The following IL12RB1 variants were observed in gnomAD, a reference collection of about 807,000 sequenced individuals.
The protein encoded by IL12RB1 is interleukin-12 receptor subunit beta-1.
Under a neutral mutation model 94.4 loss-of-function variants are expected in IL12RB1, and 64 were observed. The ratio of observed to expected loss-of-function variants is 0.68; its 90% CI spans 0.55 to 0.83. The LOEUF (loss-of-function observed/expected upper bound fraction) is 0.83, where lower values mean the gene tolerates loss of function less well. Among genes scored for constraint, IL12RB1 ranks in the 40% least tolerant of loss-of-function variants. The probability of loss-of-function intolerance (pLI) is 0.00; values close to 1 mark genes in which losing one functional copy is unlikely to be tolerated. For synonymous variants in IL12RB1, 362 were observed against 355.5 expected (o/e 1.02, Z -0.21); for missense variants, 814 against 855.6 (o/e 0.95, Z 0.61).
At chr19:18,098,889 C>T (rs1191801453) in exon 1 of IL12RB1, 1 of 441,826 alleles carries the variant, frequency 2.3e-6, no homozygotes, top group African/African-American at 2.0e-5. Context: ...GCGGTGACCC[C>T]ACGGAGTGAT....
In IL12RB1 at chr19:18,073,981, T is replaced by G. The variant is rs540620769; in HGVS notation, c.701-382A>C. ...CTGGGATTACAGGCATGCACCACCA[T>G]GTCCGGCTAATTTTTGTATTTTTAG... On this transcript the variant is annotated intron_variant, in intron 7 of 16. Transcript: ENST00000593993. Among the ~76,000 whole-genome samples the G allele has an allele frequency of 2.6e-5, 4 of 152,174 alleles. No individual in the cohort carries two copies. The South Asian group carries it at 8.3e-4, about 32-fold the overall frequency.
At chr19:18,077,424 C>T (rs1404584074) in intron 5 of IL12RB1, 92 bp downstream of exon 5, 6 of 976,430 alleles carry the variant, frequency 6.1e-6, no homozygotes, top group African/African-American at 1.6e-5. Flanking sequence ...TGGTTGGGAG[C>T]GGGGACAGAT....
chr19:18,088,739 A>G (rs1568528799), upstream of IL12RB1, among the ~76,000 whole-genome samples: 1 of 152,022 alleles, frequency 6.6e-6, no homozygotes, highest in African/African-American at 2.4e-5. Context: ...CCTCAAAAAC[A>G]TAATGCTGGG....
At chr19:18,071,745 C>T (rs910574487) in intron 9 of IL12RB1, among the ~76,000 whole-genome samples, 2 of 151,970 alleles carry the variant, frequency 1.3e-5, no homozygotes, top group African/African-American at 4.8e-5. Flanking sequence ...AATTTTGGCT[C>T]ACTGCAACCT....
At chr19:18,097,666 C>G in intron 1 of IL12RB1, 1 of 491,454 alleles carries the variant, frequency 2.0e-6, no homozygotes, top group Non-Finnish European at 3.0e-6. Context: ...GCCCTGTGGT[C>G]GGGCTCCCCG....
rs764395999 is a variant in IL12RB1 at position 18,073,595 on chromosome 19, G to A, written c.705C>T (p.Asn235=). 4 of 1,607,670 alleles carry A rather than the reference G, an allele frequency of 2.5e-6. No homozygotes were observed. The highest frequency in any genetic ancestry group is 4.5e-5 in the East Asian group (2 of 44,844). The change falls in exon 8 of 17, where the codon AAC becomes AAT. Residue 235 remains asparagine (N), a synonymous_variant. Coordinates refer to ENST00000593993, the MANE Select transcript of IL12RB1 (RefSeq NM_005535.3). Reference sequence around the variant, plus strand: ...AGAATCTCACCTGAGGCTGTGGGGGGTTTTCTGCAATCAGAACCAAACCAA... The same window carrying A: ...AGAATCTCACCTGAGGCTGTGGGGGATTTTCTGCAATCAGAACCAAACCAA... ...WSSPVCVPPE[N]PPQPQVRFSV...
intron 1 of IL12RB1, among the ~76,000 whole-genome samples, chr19:18,096,680 C>G (rs1599612060): frequency 6.6e-6 from 1 of 150,934 alleles, no homozygotes; most frequent in African/African-American, 2.4e-5. Context: ...ACCAAAAATA[C>G]AAAAAATCAG....
At chr19:18,089,054 C>CAA (rs916520833), upstream of IL12RB1, among the ~76,000 whole-genome samples, 33 of 138,002 alleles carry the variant, frequency 2.4e-4, no homozygotes, top group African/African-American at 8.0e-4. Context: ...CACACATACA[C>CAA]AAAAAAAAAA....
chr19:18,081,615 G>A (rs2035905417), intron 3 of IL12RB1, among the ~76,000 whole-genome samples: 1 of 151,384 alleles, frequency 6.6e-6, no homozygotes, highest in South Asian at 2.1e-4. Flanking sequence ...GAGGCCAGGA[G>A]TTCAAGACCA....
At chr19:18,094,193 A>G (rs555002840) in intron 1 of IL12RB1, among the ~76,000 whole-genome samples, 2 of 152,308 alleles carry the variant, frequency 1.3e-5, no homozygotes, top group African/African-American at 2.4e-5. Context: ...CACTGGCACT[A>G]TCTCAGCTCA....
intron 13 of IL12RB1, 61 bp from the exon 14 acceptor site, chr19:18,062,338 G>C (rs2034202694): frequency 2.9e-6 from 3 of 1,026,644 alleles, no homozygotes; most frequent in South Asian, 2.8e-5. Context: ...CAGGGAAGGA[G>C]CTAGGAGGGC....
intron 12 of IL12RB1, among the ~76,000 whole-genome samples, chr19:18,065,843 C>T (rs2034537870): frequency 6.6e-6 from 1 of 150,800 alleles, no homozygotes; most frequent in Non-Finnish European, 1.5e-5. Flanking sequence ...GAAAAAATCC[C>T]AGCCTGGGCA....
intron 13 of IL12RB1, among the ~76,000 whole-genome samples, chr19:18,063,122 G>T (rs1370506005): frequency 2.0e-5 from 2 of 100,456 alleles, no homozygotes; most frequent in African/African-American, 8.6e-5. Flanking sequence ...TTGAGACAGG[G>T]TCTTGCTCCG....
intron 4 of IL12RB1, among the ~76,000 whole-genome samples, chr19:18,079,942 A>G (rs748971219): frequency 6.6e-6 from 1 of 152,332 alleles, no homozygotes; most frequent in East Asian, 1.9e-4. Flanking sequence ...AAGTGAGATC[A>G]TGAAATGTTT....
At chr19:18,076,266 CTGT>C (rs2035473015) in intron 6 of IL12RB1, 28 bp downstream of exon 6, 1 of 1,182,820 alleles carries the variant, frequency 8.5e-7, no homozygotes, top group African/African-American at 1.5e-5. Flanking sequence ...TTTGCTGCAG[CTGT>C]TGTTGTCATT....
chr19:18,076,859 A>G (rs552872535), intron 5 of IL12RB1, among the ~76,000 whole-genome samples: 230 of 152,258 alleles, frequency 1.5e-3, no homozygotes, highest in Non-Finnish European at 2.8e-3. Context: ...ATTTTACTAA[A>G]CACAATGTGG....
At chr19:18,062,721 G>A (rs1599446504) in intron 13 of IL12RB1, among the ~76,000 whole-genome samples, 1 of 82,960 alleles carries the variant, frequency 1.2e-5, no homozygotes, top group Non-Finnish European at 4.0e-5. Context: ...GCAGTGAGCC[G>A]AGATCGCATC....
intron 4 of IL12RB1, among the ~76,000 whole-genome samples, chr19:18,078,041 T>C (rs2035611851): frequency 6.6e-6 from 1 of 151,992 alleles, no homozygotes; most frequent in Admixed American, 6.6e-5. Flanking sequence ...CCTAGGAGGC[T>C]GAGGCTGAAG....
In IL12RB1 at chr19:18,075,758, C is replaced by A. The variant is rs140762977; in HGVS notation, c.691G>T (p.Val231Phe). Residue 231 changes from valine to phenylalanine, a missense_variant, in exon 7 of 17, where the codon GTT (valine) becomes TTT (phenylalanine). Coordinates refer to ENST00000593993, the MANE Select transcript of IL12RB1 (RefSeq NM_005535.3). The stretch of plus-strand genomic sequence containing the variant: ...CTCAGAGTGATCTTACCAGGGGGAA[C>A]GCACACGGGGCTGCTCCACTTGCTC... The part of the protein sequence containing the change: ...SWSKWSSPVC[V>F]PPENPPQPQV... The A allele has an allele frequency of 6.2e-7, 1 of 1,612,532 alleles. No homozygotes were observed. The highest frequency in any genetic ancestry group is 8.5e-7 in the Non-Finnish European group (1 of 1,178,642).
Sources: gnomAD v4.1 joint callset for allele counts (sites outside exome capture counted in the v4.1 genomes callset) on GRCh38, gnomAD v4.1.1 for gene constraint, MANE v1.5 for transcripts, NCBI Gene and HGNC (gene_info 2026-07-23, HGNC 2026-07-21) for gene names.